STC2: variants seen among roughly 807,000 people sequenced by gnomAD.
STC2 encodes stanniocalcin 2, also known as stanniocalcin-2.
Under a neutral mutation model 22.7 loss-of-function variants are expected in STC2, and 7 were observed. The observed-to-expected ratio is 0.31, with a 90% CI of 0.18 to 0.58. The LOEUF (loss-of-function observed/expected upper bound fraction) is 0.58, where lower values mean the gene tolerates loss of function less well. STC2 is among the 20% of genes least tolerant of loss of function. The probability of loss-of-function intolerance (pLI) is 0.89; values close to 1 mark genes in which losing one functional copy is unlikely to be tolerated. For synonymous variants in STC2, 158 were observed against 163.4 expected (o/e 0.97, Z 0.25); for missense variants, 336 against 406.2 (o/e 0.83, Z 1.48).
Position 173,318,199 on chromosome 5 carries a change from T to C in STC2, c.557A>G (p.Lys186Arg). 6.5e-7 allele frequency: 1 copy of C among 1,535,282 alleles called. No homozygotes were observed. Among genetic ancestry groups the C allele is most frequent in the Non-Finnish European group, 8.8e-7 (1 of 1,140,580 alleles). ...NLLLTCGEEV[K>R]EAITHSVQVQ... Reference sequence around the variant, plus strand: ...CTGCACGCTGTGGGTGATGGCCTCCTTCACCTCCTCCCCACAGGTCAGCAG... The same window carrying C: ...CTGCACGCTGTGGGTGATGGCCTCCCTCACCTCCTCCCCACAGGTCAGCAG... The change falls in exon 4 of 4, where the codon AAG becomes AGG. Residue 186 changes from lysine (K) to arginine (R), a missense_variant. Physicochemically the swap from Lys to Arg is conservative, Grantham distance 26. Coordinates refer to ENST00000265087, the MANE Select transcript of STC2 (RefSeq NM_003714.3).
At chr5:173,319,159 G>A (rs896911763) in intron 3 of STC2, among the ~76,000 whole-genome samples, 3 of 152,208 alleles carry the variant, frequency 2.0e-5, no homozygotes, top group African/African-American at 4.8e-5. Flanking sequence ...GGGTTGTTCT[G>A]TAGGAAAACC....
chr5:173,325,757 A>C lies in STC2; in HGVS notation c.294+111T>G, dbSNP rs968536333. Reference sequence around the variant, plus strand: ...CCTAGACTGTCGCTTGCAAGCACTAAAACACACCACAAGGAACAGCAAAGG... The same window carrying C: ...CCTAGACTGTCGCTTGCAAGCACTACAACACACCACAAGGAACAGCAAAGG... On this transcript the variant is annotated intron_variant, in intron 2 of 3. Coordinates refer to ENST00000265087, the MANE Select transcript of STC2 (RefSeq NM_003714.3). This position sits in a 1 kb window ranked among gnomAD's most constrained non-coding sequence, Gnocchi z 4.7. 6.7e-7 allele frequency: 1 copy of C among 1,502,180 alleles called. No homozygotes were observed. Among genetic ancestry groups the C allele is most frequent in the African/African-American group, 1.4e-5 (1 of 72,650 alleles). 93.1% of individuals were successfully genotyped at this position (1,502,180 alleles called of 1,614,324 possible). A position where few individuals can be genotyped will look rare whatever the true frequency, so the allele number is the denominator to read the frequency against.
intron 2 of STC2, chr5:173,324,015 G>T (rs927952440): frequency 1.9e-5 from 3 of 155,436 alleles, no homozygotes; most frequent in African/African-American, 7.2e-5. Context: ...CAGGAAGAGC[G>T]CTCTTTTCCT....
intron 1 of STC2, chr5:173,326,673 T>C (rs537704845): frequency 6.6e-6 from 1 of 152,270 alleles, no homozygotes; most frequent in African/African-American, 2.4e-5. Flanking sequence ...TATCAGAGGT[T>C]GCAGGCTCCT....
intron 1 of STC2, among the ~76,000 whole-genome samples, chr5:173,327,204 G>C (rs1762558630): frequency 6.6e-6 from 1 of 152,260 alleles, no homozygotes. Flanking sequence ...TCCAGCTCGT[G>C]CGGTGAGCGC....
In STC2 at chr5:173,323,396, T is replaced by G; in HGVS notation, c.329A>C (p.Lys110Thr). 6.2e-7 allele frequency: 1 copy of G among 1,613,554 alleles called. No homozygotes were observed. The highest frequency in any genetic ancestry group is 8.5e-7 in the Non-Finnish European group (1 of 1,179,782). The part of the protein sequence containing the change: ...KSFIKDALKC[K>T]AHALRHRFGC... ...GAACCTGTGCCGCAGAGCGTGGGCC[T>G]TACATTTCAAGGCGTCTTTGATGAA... The change falls in exon 3 of 4, where the codon AAG becomes ACG. Residue 110 changes from lysine to threonine, a missense_variant. Around this residue, in one of 3 missense-constraint regions of STC2, gnomAD observed 22 missense variants for 52.0 expected, o/e 0.42. Coordinates refer to ENST00000265087, the MANE Select transcript of STC2 (RefSeq NM_003714.3). This position sits in a 1 kb window ranked among gnomAD's most constrained non-coding sequence, Gnocchi z 5.4.
chr5:173,328,244 C>T lies in STC2; in HGVS notation c.-51G>A. On this transcript the variant is annotated 5_prime_UTR_variant, in exon 1 of 4. Transcript: ENST00000265087. ...GGAGACCTGGATCCTTTGTGCTCCC[C>T]TCTTCCTCCTCCTCCTCTTCCTCCT... 1 of 1,392,680 alleles carries T rather than the reference C, an allele frequency of 7.2e-7. No homozygotes were observed. The highest frequency in any genetic ancestry group is 9.4e-7 in the Non-Finnish European group (1 of 1,064,438). The allele number at this position is 1,392,680 out of a possible 1,614,324, so 86.3% of individuals were successfully genotyped here.
chr5:173,326,068 A>AT (rs1445191948), intron 1 of STC2, 58 bp from the exon 2 acceptor site: 21 of 1,567,266 alleles, frequency 1.3e-5, no homozygotes, highest in Non-Finnish European at 1.7e-5. Context: ...TGGGCAATGC[A>AT]GAGAGGTCAT....
At chr5:173,319,599 CTG>C (rs1762463367) in intron 3 of STC2, among the ~76,000 whole-genome samples, 2 of 152,254 alleles carry the variant, frequency 1.3e-5, no homozygotes, top group African/African-American at 2.4e-5. Flanking sequence ...AAAGAGCAGA[CTG>C]TGTTTTGAGA....
chr5:173,319,190 G>A (rs914182992), intron 3 of STC2, among the ~76,000 whole-genome samples: 3 of 152,186 alleles, frequency 2.0e-5, no homozygotes, highest in African/African-American at 7.2e-5. Flanking sequence ...TTTACTCCAG[G>A]GGGTGGACAA....
intron 3 of STC2, 39 bp from the exon 4 acceptor site, chr5:173,318,288 GA>G: frequency 2.2e-6 from 3 of 1,378,408 alleles, no homozygotes; most frequent in Non-Finnish European, 9.4e-7. Flanking sequence ...GAGAGAGAGA[GA>G]GAGAGAGAGA....
chr5:173,318,275 AG>A, intron 3 of STC2, 26 bp from the exon 4 acceptor site: 8 of 1,338,034 alleles, frequency 6.0e-6, no homozygotes, highest in Non-Finnish European at 7.8e-6. Flanking sequence ...AAAGAGAGAG[AG>A]AGAGAGAGAG....
intron 1 of STC2, among the ~76,000 whole-genome samples, chr5:173,327,529 G>T (rs1168678397): frequency 6.6e-6 from 1 of 152,268 alleles, no homozygotes; most frequent in African/African-American, 2.4e-5. Context: ...GCCCCCAGGG[G>T]GAAAGTTCGC....
rs191497817 is a variant in STC2 at position 173,317,880 on chromosome 5, G to C, written c.876C>G (p.Asp292Glu). ...QGPSGSSEWE[D>E]EQSEYSDIRR ...GGATATCAGAATACTCAGACTGTTCGTCTTCCCACTCGCTGCTTCCGGAAG... is the reference window on the plus strand; with the variant it reads ...GGATATCAGAATACTCAGACTGTTCCTCTTCCCACTCGCTGCTTCCGGAAG... Residue 292 changes from aspartate to glutamate, a missense_variant, in exon 4 of 4, where the codon GAC (aspartate) becomes GAG (glutamate). Physicochemically the swap from Asp to Glu is conservative, Grantham distance 45 (BLOSUM62 2). Transcript: ENST00000265087. 5.6e-6 allele frequency: 9 copies of C among 1,599,002 alleles called. No individual in the cohort carries two copies. The highest frequency in any genetic ancestry group is 1.1e-5 in the South Asian group (1 of 89,998).
chr5:173,323,260 C>T lies in STC2; in HGVS notation c.465G>A (p.Val155=), dbSNP rs1233989417. The T allele has an allele frequency of 1.9e-6, 3 of 1,614,248 alleles. No homozygotes were observed. Among genetic ancestry groups the T allele is most frequent in the Admixed American group, 3.3e-5 (2 of 60,032 alleles). ...CCTTGAAATGGATCATCTCCACTAT[C>T]ACCCGGGTGTTCTCCTGGGCAGCCG... ...LCAAAQENTR[V]IVEMIHFKDL... is the part of the protein sequence containing the mutation. Residue 155 remains valine, a synonymous_variant, in exon 3 of 4, where the codon GTG becomes GTA. Transcript: ENST00000265087. This position sits in a 1 kb window ranked among gnomAD's most constrained non-coding sequence, Gnocchi z 5.4.
In STC2 at chr5:173,318,190, A is replaced by G; in HGVS notation, c.566T>C (p.Ile189Thr). Residue 189 changes from isoleucine to threonine, a missense_variant, in exon 4 of 4, where the codon ATC (isoleucine) becomes ACC (threonine). Ile to Thr is a moderately conservative substitution (Grantham distance 89). Transcript: ENST00000265087. ...LTCGEEVKEA[I>T]THSVQVQCEQ... ...ACACTGAACCTGCACGCTGTGGGTGATGGCCTCCTTCACCTCCTCCCCACA... is the reference window on the plus strand; with the variant it reads ...ACACTGAACCTGCACGCTGTGGGTGGTGGCCTCCTTCACCTCCTCCCCACA... The G allele has an allele frequency of 6.4e-7, 1 of 1,556,104 alleles. No homozygotes were observed.
chr5:173,321,600 G>T (rs2113134340), intron 3 of STC2, among the ~76,000 whole-genome samples: 1 of 152,340 alleles, frequency 6.6e-6, no homozygotes, highest in Non-Finnish European at 1.5e-5. Context: ...CAGGTTTGAA[G>T]TCTATTCCTG....
chr5:173,319,769 G>A (rs888717449), intron 3 of STC2, among the ~76,000 whole-genome samples: 1 of 152,236 alleles, frequency 6.6e-6, no homozygotes, highest in African/African-American at 2.4e-5. Context: ...TGAGAGCAGA[G>A]CAGAGAGGAG....
Position 173,325,710 on chromosome 5 carries a change from G to C in STC2, c.294+158C>G. 1.0e-6 allele frequency: 1 copy of C among 976,826 alleles called. No homozygotes were observed. The allele number at this position is 976,826 out of a possible 1,614,324, so 60.5% of individuals were successfully genotyped here. ...ACACAGCTTATGAGTGCAGAAGGGAGACACTGGCATAATGTTTTATACCTA... is the reference window on the plus strand; with the variant it reads ...ACACAGCTTATGAGTGCAGAAGGGACACACTGGCATAATGTTTTATACCTA... On this transcript the variant is annotated intron_variant, in intron 2 of 3. Coordinates refer to ENST00000265087, the MANE Select transcript of STC2 (RefSeq NM_003714.3). This position sits in a 1 kb window ranked among gnomAD's most constrained non-coding sequence, Gnocchi z 4.7.
Sources: allele counts gnomAD v4.1 joint callset (sites outside exome capture counted in the v4.1 genomes callset), GRCh38; gene constraint gnomAD v4.1.1; regional missense constraint gnomAD v4.1.1; non-coding constraint Gnocchi (gnomAD v3.1); transcripts MANE v1.5; gene names NCBI Gene and HGNC (gene_info 2026-07-23, HGNC 2026-07-21).